KCTD16: variants seen among roughly 807,000 people sequenced by gnomAD.
The protein encoded by KCTD16 is BTB/POZ domain-containing protein KCTD16.
KCTD16 carries 13 observed loss-of-function variants against 33.2 expected under a neutral mutation model. The ratio of observed to expected loss-of-function variants is 0.39; its 90% confidence interval spans 0.25 to 0.62. The LOEUF is 0.62. Among genes scored for constraint, KCTD16 ranks in the 20% least tolerant of loss-of-function variants. The pLI is 0.50. For synonymous variants in KCTD16, 197 were observed against 195.3 expected (o/e 1.01, Z -0.07); for missense variants, 441 against 525.1 (o/e 0.84, Z 1.57).
intron 3 of KCTD16, among the ~76,000 whole-genome samples, chr5:144,258,745 A>G (rs1269657777): frequency 1.3e-5 from 2 of 152,202 alleles, no homozygotes; most frequent in Non-Finnish European, 2.9e-5. Context: ...ATCTGCTAGT[A>G]TGTTATTTTT....
At chr5:144,323,976 A>T (rs1752140567) in intron 3 of KCTD16, among the ~76,000 whole-genome samples, 1 of 152,190 alleles carries the variant, frequency 6.6e-6, no homozygotes, top group South Asian at 2.1e-4. Context: ...TGAAAGCAGT[A>T]GCATTTGGAG....
At chr5:144,227,232 A>G (rs1161179243) in intron 3 of KCTD16, among the ~76,000 whole-genome samples, 1 of 152,222 alleles carries the variant, frequency 6.6e-6, no homozygotes, top group Non-Finnish European at 1.5e-5. Flanking sequence ...TAGGTGGAAG[A>G]CAGGCATGTC....
intron 3 of KCTD16, among the ~76,000 whole-genome samples, chr5:144,340,984 G>A (rs549479847): frequency 1.3e-5 from 2 of 152,144 alleles, no homozygotes; most frequent in African/African-American, 4.8e-5. Flanking sequence ...GGTAGAGGTT[G>A]CAGTGAGCCG....
At chr5:144,234,538 A>T (rs1054170409) in intron 3 of KCTD16, among the ~76,000 whole-genome samples, 4 of 152,096 alleles carry the variant, frequency 2.6e-5, no homozygotes, top group African/African-American at 9.7e-5. Context: ...TTTGGTGACA[A>T]GCCCTGGACT....
intron 3 of KCTD16, among the ~76,000 whole-genome samples, chr5:144,417,626 A>G (rs919065933): frequency 2.0e-5 from 3 of 151,364 alleles, no homozygotes; most frequent in African/African-American, 4.8e-5. Flanking sequence ...GATACAATTT[A>G]TTTTTATTTT....
intron 3 of KCTD16, among the ~76,000 whole-genome samples, chr5:144,311,100 G>A (rs1013954835): frequency 1.3e-5 from 2 of 152,060 alleles, no homozygotes; most frequent in African/African-American, 4.8e-5. Flanking sequence ...GTGTGTACAG[G>A]CTAGACCAAT....
chr5:144,184,116 T>C (rs1460638633), intron 2 of KCTD16, among the ~76,000 whole-genome samples: 1 of 152,226 alleles, frequency 6.6e-6, no homozygotes, highest in Non-Finnish European at 1.5e-5. Flanking sequence ...TAAAATACCA[T>C]GTAACATAAA....
intron 3 of KCTD16, among the ~76,000 whole-genome samples, chr5:144,260,655 A>T (rs1432370181): frequency 6.6e-6 from 1 of 152,180 alleles, no homozygotes; most frequent in Non-Finnish European, 1.5e-5. Flanking sequence ...CATAAATGAA[A>T]CTATAATGTG....
intron 3 of KCTD16, among the ~76,000 whole-genome samples, chr5:144,333,768 C>T (rs1481771507): frequency 1.3e-5 from 2 of 152,116 alleles, no homozygotes; most frequent in South Asian, 2.1e-4. Context: ...ATTTTCATGC[C>T]GCTGCTTACA....
At position 144,340,515 on chromosome 5, in the gene KCTD16, AGT is replaced by A. The variant is rs547862454; in HGVS notation, c.832+132974_832+132975del. Among the ~76,000 whole-genome samples, 20 of 151,930 alleles carry A rather than the reference AGT, an allele frequency of 1.3e-4. No individual in the cohort carries two copies. The East Asian group carries it at 2.9e-3, about 22-fold the overall frequency. ...AGTTCTGGTGATAAAGCAGTGTCTG[AGT>A]GTGTCCAAGTATTATGAAAGAGGCA... On this transcript the variant is annotated intron_variant, in intron 3 of 3. Coordinates refer to ENST00000512467, the MANE Select transcript of KCTD16 (RefSeq NM_020768.4).
At chr5:144,265,217 G>A (rs13182980) in intron 3 of KCTD16, among the ~76,000 whole-genome samples, 1 of 151,922 alleles carries the variant, frequency 6.6e-6, no homozygotes, top group South Asian at 2.1e-4. Context: ...TTCCAAAACA[G>A]AAGGACATTA....
At chr5:144,215,192 G>A (rs919027775) in intron 3 of KCTD16, among the ~76,000 whole-genome samples, 1 of 152,118 alleles carries the variant, frequency 6.6e-6, no homozygotes, top group Non-Finnish European at 1.5e-5. Flanking sequence ...CTAGCTCTAG[G>A]GAACTGAGAA....
Position 144,484,799 on chromosome 5 carries a change from C to A in KCTD16, c.*10685C>A, listed in dbSNP as rs1754770418. On this transcript the variant is annotated 3_prime_UTR_variant, in exon 4 of 4. Coordinates refer to ENST00000512467, the MANE Select transcript of KCTD16 (RefSeq NM_020768.4). ...CACATTGATGAATAACAAGTGACACCCAATGAAATTACCTCTTCTCCTTTC... is the reference window on the plus strand; with the variant it reads ...CACATTGATGAATAACAAGTGACACACAATGAAATTACCTCTTCTCCTTTC... The A allele has an allele frequency of 6.6e-6, 1 of 151,906 alleles. No individual in the cohort carries two copies. Among genetic ancestry groups the A allele is most frequent in the Non-Finnish European group, 1.5e-5 (1 of 67,930 alleles). 9.4% of individuals were successfully genotyped at this position (151,906 alleles called of 1,614,324 possible). A position where few individuals can be genotyped will look rare whatever the true frequency, so the allele number is the denominator to read the frequency against.
rs1186776777 is a variant in KCTD16, at chr5:144,482,883, C to A, written c.*8769C>A. 2 of 151,444 alleles carry A rather than the reference C, an allele frequency of 1.3e-5. No individual in the cohort carries two copies. Among genetic ancestry groups the A allele is most frequent in the African/African-American group, 2.4e-5 (1 of 41,260 alleles). The allele number at this position is 151,444 out of a possible 1,614,324, so 9.4% of individuals were successfully genotyped here. A position where few individuals can be genotyped will look rare whatever the true frequency, so the allele number is the denominator to read the frequency against. On this transcript the variant is annotated 3_prime_UTR_variant, in exon 4 of 4. Coordinates refer to ENST00000512467, the MANE Select transcript of KCTD16 (RefSeq NM_020768.4). ...ACTTTGGAATTTTCAGTTTGGAGAA[C>A]TTATTATTATTACAATTTATATTTG...
At chr5:144,471,394 G>C (rs755022465) in intron 3 of KCTD16, among the ~76,000 whole-genome samples, 1 of 152,134 alleles carries the variant, frequency 6.6e-6, no homozygotes, top group Admixed American at 6.5e-5. Context: ...GTGTATCCCA[G>C]CATATATTTC....
chr5:144,342,100 A>G (rs1382473094), intron 3 of KCTD16, among the ~76,000 whole-genome samples: 1 of 152,156 alleles, frequency 6.6e-6, no homozygotes, highest in Non-Finnish European at 1.5e-5. Context: ...AGTTTTTTCC[A>G]ATTCTGTGAA....
At chr5:144,431,164 T>A (rs889826281) in intron 3 of KCTD16, among the ~76,000 whole-genome samples, 4 of 152,168 alleles carry the variant, frequency 2.6e-5, no homozygotes, top group African/African-American at 7.2e-5. Context: ...ATTGCATATT[T>A]AAATGAAGTT....
intron 3 of KCTD16, among the ~76,000 whole-genome samples, chr5:144,233,428 A>C (rs1373489237): frequency 6.6e-6 from 1 of 152,134 alleles, no homozygotes; most frequent in Non-Finnish European, 1.5e-5. Flanking sequence ...GTAAACAGTA[A>C]GGAATCTTAA....
Position 144,473,871 on chromosome 5 carries a change from G to A in KCTD16, c.1044G>A (p.Lys348=). 6.2e-7 allele frequency: 1 copy of A among 1,614,080 alleles called. No homozygotes were observed. The highest frequency in any genetic ancestry group is 1.1e-5 in the South Asian group (1 of 91,070). Residue 348 remains lysine, a synonymous_variant, in exon 4 of 4, where the codon AAG becomes AAA. Transcript: ENST00000512467. The stretch of plus-strand genomic sequence containing the variant: ...AGACTCTGGACCGTCCCATCAAGAA[G>A]GGCCCTGTCCAGCTGATCCAACAGT... ...NIQTLDRPIK[K]GPVQLIQQSE... is the part of the protein sequence containing the mutation.
Sources: gnomAD v4.1 joint callset for allele counts (sites outside exome capture counted in the v4.1 genomes callset) on GRCh38, gnomAD v4.1.1 for gene constraint, MANE v1.5 for transcripts, NCBI Gene and HGNC (gene_info 2026-07-23, HGNC 2026-07-21) for gene names.